The following VWA3B variants were observed in gnomAD, a reference collection of about 807,000 sequenced individuals.
VWA3B encodes von Willebrand factor A domain containing 3B, also known as von Willebrand factor A domain-containing protein 3B.
Under a neutral mutation model 158.3 loss-of-function variants are expected in VWA3B, and 138 were observed. That is an observed-to-expected ratio of 0.87 (90% CI 0.76 to 1.00). VWA3B has a LOEUF of 1.00. Ranked by LOEUF, VWA3B falls within the 50% of genes least tolerant of loss-of-function variation. The probability of loss-of-function intolerance (pLI) is 0.00; values close to 1 mark genes in which losing one functional copy is unlikely to be tolerated. For synonymous variants in VWA3B, 596 were observed against 587.3 expected (o/e 1.01, Z -0.21); for missense variants, 1,555 against 1,565.1 (o/e 0.99, Z 0.11).
intron 4 of VWA3B, among the ~76,000 whole-genome samples, chr2:98,120,760 A>G (rs1415547726): frequency 6.6e-6 from 1 of 152,264 alleles, no homozygotes; most frequent in Non-Finnish European, 1.5e-5. Flanking sequence ...TGGTTTAACC[A>G]AATTTTCTCA....
At chr2:98,135,812 C>T (rs1012141639) in intron 7 of VWA3B, among the ~76,000 whole-genome samples, 26 of 152,186 alleles carry the variant, frequency 1.7e-4, no homozygotes, top group African/African-American at 5.6e-4. Context: ...TCCCAAACTG[C>T]CCAGAAACCT....
At chr2:98,130,085 A>C (rs1307313558) in intron 6 of VWA3B, among the ~76,000 whole-genome samples, 1 of 152,204 alleles carries the variant, frequency 6.6e-6, no homozygotes, top group Non-Finnish European at 1.5e-5. Context: ...GTGTGGCAGG[A>C]TAATAGGATA....
At chr2:98,153,672 G>A (rs544474454) in intron 7 of VWA3B, among the ~76,000 whole-genome samples, 14 of 152,272 alleles carry the variant, frequency 9.2e-5, no homozygotes, top group Admixed American at 2.6e-4. Flanking sequence ...CCTGTTTATG[G>A]CTTACTGGCA....
intron 3 of VWA3B, among the ~76,000 whole-genome samples, chr2:98,117,629 T>C (rs1029390600): frequency 6.6e-6 from 1 of 152,062 alleles, no homozygotes; most frequent in African/African-American, 2.4e-5. Context: ...CCTGGAGGGA[T>C]ACTGTAAGAG....
At chr2:98,204,758 A>G (rs183028703) in intron 12 of VWA3B, among the ~76,000 whole-genome samples, 2 of 152,210 alleles carry the variant, frequency 1.3e-5, no homozygotes, top group Admixed American at 6.5e-5. Context: ...CTCCCCTTCT[A>G]TCTTCTGGAG....
chr2:98,231,424 T>G (rs201454896), intron 16 of VWA3B, among the ~76,000 whole-genome samples: 1 of 152,184 alleles, frequency 6.6e-6, no homozygotes, highest in African/African-American at 2.4e-5. Context: ...AGCAGAGGGA[T>G]AGGTGGAATA....
rs570378686 is a variant in VWA3B, at chr2:98,263,400, T to C, written c.2843+7226T>C. On this transcript the variant is annotated intron_variant, in intron 21 of 27. Coordinates refer to ENST00000477737, the MANE Select transcript of VWA3B (RefSeq NM_144992.5). ...ACAATAGTAGCTGTAGGCTTCCTTATGTTGATATAGTTTCTTAGTATTCCT... is the reference window on the plus strand; with the variant it reads ...ACAATAGTAGCTGTAGGCTTCCTTACGTTGATATAGTTTCTTAGTATTCCT... Among the ~76,000 whole-genome samples the C allele has an allele frequency of 1.6e-4, 24 of 152,024 alleles. 1 individual carries two copies. The South Asian group carries it at 5.0e-3, about 32-fold the overall frequency.
chr2:98,168,689 T>C (rs1414218484), intron 8 of VWA3B, among the ~76,000 whole-genome samples: 2 of 152,144 alleles, frequency 1.3e-5, no homozygotes, highest in East Asian at 1.9e-4. Flanking sequence ...GAAAATATGT[T>C]AGCTGGAAAG....
At position 98,311,910 on chromosome 2, in the gene VWA3B, C is replaced by A; in HGVS notation, c.3613C>A (p.Pro1205Thr). 6.2e-7 allele frequency: 1 copy of A among 1,610,702 alleles called. No individual in the cohort carries two copies. Among genetic ancestry groups the A allele is most frequent in the Non-Finnish European group, 8.5e-7 (1 of 1,178,524 alleles). ...QDSREPRREKPRRKKRPAKQP... is the reference protein window; with the variant it reads ...QDSREPRREKTRRKKRPAKQP... ...TTCCAGAGAGCCAAGACGAGAGAAG[C>A]CCAGGAGGAAAAAGAGGCCCGCCAA... The change falls in exon 27 of 28, where the codon CCC (proline) becomes ACC (threonine). Residue 1205 changes from proline (P) to threonine (T), a missense_variant. Coordinates refer to ENST00000477737, the MANE Select transcript of VWA3B (RefSeq NM_144992.5).
intron 23 of VWA3B, 38 bp from the exon 24 acceptor site, chr2:98,297,869 T>C: frequency 6.9e-7 from 1 of 1,455,306 alleles, no homozygotes; most frequent in East Asian, 2.6e-5. Context: ...GGGATGTTAT[T>C]TGTCTTTATA....
chr2:98,271,766 G>C (rs1230427042), intron 22 of VWA3B, among the ~76,000 whole-genome samples: 1 of 152,168 alleles, frequency 6.6e-6, no homozygotes, highest in Non-Finnish European at 1.5e-5. Context: ...TAGTATTTCT[G>C]GATCAAAGAG....
intron 13 of VWA3B, among the ~76,000 whole-genome samples, chr2:98,215,919 A>G (rs1359341816): frequency 1.3e-5 from 2 of 152,218 alleles, no homozygotes; most frequent in Non-Finnish European, 2.9e-5. Context: ...GATTCTCTCA[A>G]AAAGGCAAAT....
At position 98,216,984 on chromosome 2, in the gene VWA3B, C is replaced by CCCA. The variant is rs760419262; in HGVS notation, c.1837-861_1837-860insCAC. On this transcript the variant is annotated intron_variant, in intron 13 of 27. Transcript: ENST00000477737. ...CTGTCATGTGTATCATTGTAAGCAC[C>CCCA]CGCCCCGCACCCAGTCTCAGGTGGT... The CCCA allele has an allele frequency of 1.9e-5, 24 of 1,239,862 alleles. No individual in the cohort carries two copies. The Admixed American group carries it at 4.9e-4, about 25-fold the overall frequency. 76.8% of individuals were successfully genotyped at this position (1,239,862 alleles called of 1,614,324 possible). A position where few individuals can be genotyped will look rare whatever the true frequency, so the allele number is the denominator to read the frequency against.
chr2:98,282,054 G>A (rs1265102336), intron 22 of VWA3B, among the ~76,000 whole-genome samples: 2 of 152,154 alleles, frequency 1.3e-5, no homozygotes, highest in African/African-American at 4.8e-5. Context: ...AATGGAGTTG[G>A]GAGACGTTCT....
At chr2:98,147,938 C>G (rs527879332) in intron 7 of VWA3B, among the ~76,000 whole-genome samples, 2 of 150,694 alleles carry the variant, frequency 1.3e-5, no homozygotes, top group South Asian at 4.2e-4. Flanking sequence ...ATTCAGTTCC[C>G]TATGAGTGAG....
At chr2:98,318,544 A>G in the VWA3B span, among the ~76,000 whole-genome samples, 3 of 152,170 alleles carry the variant, frequency 2.0e-5, no homozygotes, top group African/African-American at 4.8e-5. Flanking sequence ...CACATGGTGG[A>G]GGGAACAAAA....
At chr2:98,297,636 G>C (rs192854386) in intron 23 of VWA3B, among the ~76,000 whole-genome samples, 58 of 152,320 alleles carry the variant, frequency 3.8e-4, no homozygotes, top group African/African-American at 1.3e-3. Flanking sequence ...CTGTCAGGAT[G>C]GGGGCTGATG....
At chr2:98,197,501 C>T (rs1319797368) in intron 12 of VWA3B, among the ~76,000 whole-genome samples, 1 of 152,160 alleles carries the variant, frequency 6.6e-6, no homozygotes, top group Non-Finnish European at 1.5e-5. Context: ...ATCCTTACAA[C>T]AATTATTACT....
At chr2:98,313,428 C>G (rs1574337337), downstream of VWA3B, 1 of 152,200 alleles carries the variant, frequency 6.6e-6, no homozygotes, top group African/African-American at 2.4e-5. Context: ...AGAACTCAGA[C>G]GTTTCCTCCC....
Sources: allele counts gnomAD v4.1 joint callset (sites outside exome capture counted in the v4.1 genomes callset), GRCh38; gene constraint gnomAD v4.1.1; transcripts MANE v1.5; gene names NCBI Gene and HGNC (gene_info 2026-07-23, HGNC 2026-07-21).